Variants in BMP7 observed in about 807,000 individuals in gnomAD.
The protein encoded by BMP7 is bone morphogenetic protein 7, also known as osteogenic protein 1.
A neutral mutation model predicts 41.2 loss-of-function variants in BMP7; 12 were observed. The observed-to-expected ratio is 0.29, with a 90% CI of 0.19 to 0.47. The LOEUF (loss-of-function observed/expected upper bound fraction) is 0.47. Ranked by LOEUF, BMP7 falls within the 20% of genes least tolerant of loss-of-function variation. The pLI is 0.99. For synonymous variants in BMP7, 248 were observed against 250.0 expected (o/e 0.99, Z 0.07); for missense variants, 467 against 606.0 (o/e 0.77, Z 2.41).
intron 2 of BMP7, among the ~76,000 whole-genome samples, chr20:57,210,971 C>A (rs775551217): frequency 3.5e-4 from 53 of 152,224 alleles, no homozygotes; most frequent in Non-Finnish European, 6.0e-4. Flanking sequence ...AATGTTCTCG[C>A]CATCACAGCC....
intron 1 of BMP7, among the ~76,000 whole-genome samples, chr20:57,255,450 G>A (rs953457693): frequency 6.6e-6 from 1 of 152,140 alleles, no homozygotes; most frequent in African/African-American, 2.4e-5. Flanking sequence ...TGATGAAGGG[G>A]TCTCTGAATT....
intron 2 of BMP7, among the ~76,000 whole-genome samples, chr20:57,227,777 T>C (rs2066013023): frequency 6.6e-6 from 1 of 152,244 alleles, no homozygotes; most frequent in African/African-American, 2.4e-5. Context: ...CTAGTGATTC[T>C]TGGAAGGCTA....
chr20:57,251,700 G>A (rs577904026), intron 1 of BMP7, among the ~76,000 whole-genome samples: 96 of 152,300 alleles, frequency 6.3e-4, no homozygotes, highest in African/African-American at 2.1e-3. Context: ...TTGGGAGGCC[G>A]AGGCAGGCAG....
intron 1 of BMP7, among the ~76,000 whole-genome samples, chr20:57,239,980 G>A (rs2066062909): frequency 6.6e-6 from 1 of 152,204 alleles, no homozygotes; most frequent in Non-Finnish European, 1.5e-5. Flanking sequence ...GAAGGTCTCT[G>A]ACATGGCCTG....
chr20:57,236,848 G>A (rs1294291804), intron 1 of BMP7, among the ~76,000 whole-genome samples: 1 of 152,024 alleles, frequency 6.6e-6, no homozygotes, highest in Non-Finnish European at 1.5e-5. Flanking sequence ...GGAACCGTCA[G>A]CCCAGGCAAA....
In BMP7 at chr20:57,202,548, T is replaced by C; in HGVS notation, c.687A>G (p.Thr229=). ...SEEGWLVFDI[T]ATSNHWVVNP... is the part of the protein sequence containing the mutation. ...TGACCACCCAGTGGTTGCTGGTGGCTGTGATGTCAAACACCAGCCAGCCCT... is the reference window on the plus strand; with the variant it reads ...TGACCACCCAGTGGTTGCTGGTGGCCGTGATGTCAAACACCAGCCAGCCCT... Residue 229 remains threonine (T), a synonymous_variant, in exon 3 of 7, where the codon ACA becomes ACG. Transcript: ENST00000395863. 6.2e-7 allele frequency: 1 copy of C among 1,610,738 alleles called. No homozygotes were observed. The highest frequency in any genetic ancestry group is 8.5e-7 in the Non-Finnish European group (1 of 1,179,878).
chr20:57,248,965 A>T (rs1023929031), intron 1 of BMP7, among the ~76,000 whole-genome samples: 8 of 150,600 alleles, frequency 5.3e-5, no homozygotes, highest in African/African-American at 1.9e-4. Context: ...CGCCCAGCTA[A>T]TTTTTTTTTG....
chr20:57,209,041 A>G (rs1381197068), intron 2 of BMP7, among the ~76,000 whole-genome samples: 1 of 151,252 alleles, frequency 6.6e-6, no homozygotes, highest in Non-Finnish European at 1.5e-5. Context: ...AAAATTGGCC[A>G]GGCACGGTGG....
At chr20:57,252,366 A>G (rs957194658) in intron 1 of BMP7, among the ~76,000 whole-genome samples, 3 of 152,232 alleles carry the variant, frequency 2.0e-5, no homozygotes, top group Non-Finnish European at 4.4e-5. Flanking sequence ...AGCAGCATTT[A>G]AGCTACAGGG....
intron 1 of BMP7, among the ~76,000 whole-genome samples, chr20:57,249,755 C>T (rs942092076): frequency 6.6e-6 from 1 of 152,176 alleles, no homozygotes; most frequent in Non-Finnish European, 1.5e-5. Flanking sequence ...TGATATTGGT[C>T]TACTGTCATG....
chr20:57,201,984 C>T (rs1463907889), intron 3 of BMP7, among the ~76,000 whole-genome samples: 2 of 152,206 alleles, frequency 1.3e-5, no homozygotes, highest in Non-Finnish European at 2.9e-5. Flanking sequence ...TTTTGTCCCA[C>T]AGGGCACAAT....
chr20:57,251,276 G>A (rs566024064), intron 1 of BMP7, among the ~76,000 whole-genome samples: 13 of 152,224 alleles, frequency 8.5e-5, no homozygotes, highest in African/African-American at 3.1e-4. Context: ...AGGAGACCCA[G>A]GGTTTAACAA....
chr20:57,176,992 C>T (rs1482933672), intron 4 of BMP7, among the ~76,000 whole-genome samples: 1 of 152,184 alleles, frequency 6.6e-6, no homozygotes, highest in Non-Finnish European at 1.5e-5. Flanking sequence ...TTACTTTCTT[C>T]ATCTGTAAAA....
intron 3 of BMP7, 103 bp from the exon 4 acceptor site, chr20:57,184,022 C>T (rs1984153416): frequency 3.1e-6 from 4 of 1,278,878 alleles, no homozygotes; most frequent in Non-Finnish European, 4.4e-6. Flanking sequence ...TCATGAACTC[C>T]TTATTCCTCC....
At chr20:57,209,552 G>A (rs1222873907) in intron 2 of BMP7, among the ~76,000 whole-genome samples, 1 of 152,094 alleles carries the variant, frequency 6.6e-6, no homozygotes, top group Non-Finnish European at 1.5e-5. Flanking sequence ...TCGGGGTGAT[G>A]AAAACATTCT....
In BMP7 at chr20:57,251,699, C is replaced by T. The variant is rs758600385; in HGVS notation, c.418+14006G>A. On this transcript the variant is annotated intron_variant, in intron 1 of 6. Coordinates refer to ENST00000395863, the MANE Select transcript of BMP7 (RefSeq NM_001719.3). ...CTGTAATCCCAGTACTTTGGGAGGC[C>T]GAGGCAGGCAGATCCCTTGAGGTCA... 3.9e-5 allele frequency among the ~76,000 whole-genome samples: 6 copies of T among 152,048 alleles called. 1 individual carries two copies. Among genetic ancestry groups the T allele is most frequent in the African/African-American group, 2.4e-5 (1 of 41,408 alleles).
In BMP7 at chr20:57,235,862, C is replaced by A. The variant is rs140843237; in HGVS notation, c.419-7441G>T. Among the ~76,000 whole-genome samples the A allele has an allele frequency of 4.4e-3, 668 of 152,276 alleles. 3 individuals are homozygous for A. The highest frequency in any genetic ancestry group is 0.015 in the African/African-American group (633 of 41,558). On this transcript the variant is annotated intron_variant, in intron 1 of 6. Transcript: ENST00000395863. ...GTTAGACACAAAGCAGTGCCCTGACCAGATCTATTTTAGATAGAGGACTGG... is the reference window on the plus strand; with the variant it reads ...GTTAGACACAAAGCAGTGCCCTGACAAGATCTATTTTAGATAGAGGACTGG...
intron 1 of BMP7, among the ~76,000 whole-genome samples, chr20:57,253,320 A>G (rs1162797969): frequency 6.6e-6 from 1 of 152,230 alleles, no homozygotes; most frequent in Non-Finnish European, 1.5e-5. Flanking sequence ...CTGAAACTTG[A>G]GAAGTGGGAA....
At position 57,214,187 on chromosome 20, in the gene BMP7, C is replaced by T. The variant is rs1375660479; in HGVS notation, c.612-11564G>A. On this transcript the variant is annotated intron_variant, in intron 2 of 6. Coordinates refer to ENST00000395863, the MANE Select transcript of BMP7 (RefSeq NM_001719.3). This position sits in a 1 kb window ranked among gnomAD's most constrained non-coding sequence, Gnocchi z 4.0. ...GATATGCAGGTAGTGAATGGAACCACCCCAGAGCCTTGTTCCAGCAAAGTG... is the reference window on the plus strand; with the variant it reads ...GATATGCAGGTAGTGAATGGAACCATCCCAGAGCCTTGTTCCAGCAAAGTG... Among the ~76,000 whole-genome samples, 1 of 152,168 alleles carries T rather than the reference C, an allele frequency of 6.6e-6. No individual in the cohort carries two copies. Among genetic ancestry groups the T allele is most frequent in the Admixed American group, 6.5e-5 (1 of 15,286 alleles).
Sources: gnomAD v4.1 joint callset for allele counts (sites outside exome capture counted in the v4.1 genomes callset) on GRCh38, gnomAD v4.1.1 for gene constraint, Gnocchi (gnomAD v3.1) non-coding constraint, MANE v1.5 for transcripts, NCBI Gene and HGNC (gene_info 2026-07-23, HGNC 2026-07-21) for gene names.